Variants in POLE observed in about 807,000 individuals in gnomAD.
POLE encodes the protein DNA polymerase epsilon catalytic subunit A.
A neutral mutation model predicts 279.2 loss-of-function variants in POLE; 188 were observed. The observed-to-expected ratio is 0.67, with a 90% CI of 0.60 to 0.76. The LOEUF (loss-of-function observed/expected upper bound fraction) is 0.76. Among genes scored for constraint, POLE ranks in the 30% least tolerant of loss-of-function variants. POLE has a pLI of 0.00. For missense variants in POLE, 2,703 were observed against 3,016.7 expected (o/e 0.90, Z 2.44); for synonymous variants, 1,214 against 1,172.5 (o/e 1.04, Z -0.72).
At chr12:132,635,118 C>T (rs1447165608) in intron 42 of POLE, among the ~76,000 whole-genome samples, 3 of 152,134 alleles carry the variant, frequency 2.0e-5, no homozygotes, top group Admixed American at 1.3e-4. Flanking sequence ...GGCCTCCTCT[C>T]AACCCACCCA....
intron 45 of POLE, 106 bp downstream of exon 45, chr12:132,632,209 C>T: frequency 2.4e-6 from 2 of 837,502 alleles, no homozygotes; most frequent in East Asian, 5.2e-5. Flanking sequence ...CATACGCTAG[C>T]ACGTTCATGG....
At position 132,634,318 on chromosome 12, in the gene POLE, C is replaced by T. The variant is rs2041993181; in HGVS notation, c.5872G>A (p.Glu1958Lys). Residue 1958 changes from glutamate (E) to lysine (K), a missense_variant, in exon 43 of 49, where the codon GAA (glutamate) becomes AAA (lysine). Glu to Lys is a moderately conservative substitution (Grantham distance 56). Coordinates refer to ENST00000320574, the MANE Select transcript of POLE (RefSeq NM_006231.4). This position sits in a 1 kb window ranked among gnomAD's most constrained non-coding sequence, Gnocchi z 4.0. ...DEQENEDDEE[E>K]RDGEEEEEAE... ...TCTTCCTCCTCCTCCCCATCTCTTT[C>T]CTCCTCATCGTCCTCATTTTCCTGC... 3 of 1,614,196 alleles carry T rather than the reference C, an allele frequency of 1.9e-6. No individual in the cohort carries two copies. The highest frequency in any genetic ancestry group is 1.1e-5 in the South Asian group (1 of 91,080).
intron 1 of POLE, among the ~76,000 whole-genome samples, chr12:132,685,456 C>T (rs1334359362): frequency 6.6e-6 from 1 of 152,252 alleles, no homozygotes; most frequent in East Asian, 1.9e-4. Context: ...CAAGAAGAAA[C>T]GCAGGCAAAC....
rs148076304 is a variant in POLE at position 132,642,570 on chromosome 12, G to C, written c.4888C>G (p.Arg1630Gly). The C allele has an allele frequency of 6.2e-7, 1 of 1,613,502 alleles. No individual in the cohort carries two copies. Residue 1630 changes from arginine (R) to glycine (G), a missense_variant, in exon 37 of 49, where the codon CGG (arginine) becomes GGG (glycine). Physicochemically the swap from Arg to Gly is moderately radical, Grantham distance 125 (BLOSUM62 -2). Around this residue, in one of 5 missense-constraint regions of POLE, gnomAD observed 1,551 missense variants for 1,686.1 expected, o/e 0.92. Coordinates refer to ENST00000320574, the MANE Select transcript of POLE (RefSeq NM_006231.4). ...TTGAGGTAGTGACGGATCATGCGCC[G>C]GGCTCCATGGCGCTGCCAGTCCAGG... ...GVLDWQRHGA[R>G]RMIRHYLNLD...
rs2135978636 is a variant in POLE at position 132,668,767 on chromosome 12, G to A, written c.1924-30C>T. ...GAGGGGTGAGAAAGCACTTAGGGCTGGGCAGAGAGAGCTCCGACTCTGACA... is the reference window on the plus strand; with the variant it reads ...GAGGGGTGAGAAAGCACTTAGGGCTAGGCAGAGAGAGCTCCGACTCTGACA... On this transcript the variant is annotated intron_variant, in intron 17 of 48. Coordinates refer to ENST00000320574, the MANE Select transcript of POLE (RefSeq NM_006231.4). This position sits in a 1 kb window ranked among gnomAD's most constrained non-coding sequence, Gnocchi z 4.0. The A allele has an allele frequency of 1.2e-6, 2 of 1,613,836 alleles. No homozygotes were observed. Among genetic ancestry groups the A allele is most frequent in the South Asian group, 1.1e-5 (1 of 91,062 alleles).
intron 29 of POLE, among the ~76,000 whole-genome samples, chr12:132,654,628 A>AAAAAATTAC: frequency 6.9e-6 from 1 of 145,756 alleles, no homozygotes; most frequent in Non-Finnish European, 1.5e-5. Context: ...TTGTCTCTAC[A>AAAAAATTAC]AAAAATTACA....
intron 7 of POLE, 55 bp downstream of exon 7, chr12:132,677,523 T>C (rs190878867): frequency 6.2e-7 from 1 of 1,612,410 alleles, no homozygotes; most frequent in Admixed American, 1.7e-5. Flanking sequence ...ATAATGATCA[T>C]CTCCTGGCTG....
rs56367014 is a variant in POLE, at chr12:132,676,483, T to C, written c.909+63A>G. The C allele has an allele frequency of 1.1e-3, 1,104 of 1,015,788 alleles. 6 individuals carry two copies. In the African/African-American group the frequency reaches 0.015, roughly 14 times the overall value. The allele number at this position is 1,015,788 out of a possible 1,614,324, so 62.9% of individuals were successfully genotyped here. ...ACTAACAGTGGGGCAGATGCTGCTG[T>C]AGTATGGGGACCAGACAAGGTCCCC... On this transcript the variant is annotated intron_variant, in intron 9 of 48. Coordinates refer to ENST00000320574, the MANE Select transcript of POLE (RefSeq NM_006231.4).
rs747676884 is a variant in POLE, at chr12:132,624,918, G to C, written c.6734C>G (p.Thr2245Ser). The C allele has an allele frequency of 4.3e-6, 7 of 1,613,946 alleles. No homozygotes were observed. The highest frequency in any genetic ancestry group is 2.7e-5 in the African/African-American group (2 of 75,060). ...GGGAGAGCCCACCTGGGTGTGGATG[G>C]TGAGGGCGAAGTCTCCCGCGCAGCT... Reference protein sequence around the residue: ...YCSCAGDFALTIHTQVFMEQI... With the variant: ...YCSCAGDFALSIHTQVFMEQI... The change falls in exon 48 of 49, where the codon ACC becomes AGC. Residue 2245 changes from threonine (T) to serine (S), a missense_variant. Physicochemically the swap from Thr to Ser is moderately conservative, Grantham distance 58. Around this residue, in one of 5 missense-constraint regions of POLE, gnomAD observed 1,551 missense variants for 1,686.1 expected, o/e 0.92. Transcript: ENST00000320574.
intron 32 of POLE, 136 bp from the exon 33 acceptor site, chr12:132,644,113 C>T: frequency 1.4e-6 from 1 of 725,480 alleles, no homozygotes; most frequent in Non-Finnish European, 2.3e-6. Flanking sequence ...ACGCCACAGT[C>T]CACCTCTCTC....
chr12:132,663,507 G>C (rs1455500579), intron 23 of POLE, among the ~76,000 whole-genome samples: 1 of 152,264 alleles, frequency 6.6e-6, no homozygotes, highest in Non-Finnish European at 1.5e-5. Context: ...ACCACCAGAG[G>C]GGGAGGTCGT....
rs986414330 is a variant in POLE at position 132,634,120 on chromosome 12, G to A, written c.6004+66C>T. 2.3e-5 allele frequency: 32 copies of A among 1,379,174 alleles called. No homozygotes were observed. Among genetic ancestry groups the A allele is most frequent in the Non-Finnish European group, 2.7e-5 (27 of 996,170 alleles). 85.4% of individuals were successfully genotyped at this position (1,379,174 alleles called of 1,614,324 possible). On this transcript the variant is annotated intron_variant, in intron 43 of 48. Coordinates refer to ENST00000320574, the MANE Select transcript of POLE (RefSeq NM_006231.4). The surrounding 1 kb of genome is among the most constrained non-coding windows in gnomAD (Gnocchi z 4.0). ...TCCCTTCTTGCGATACCATGGCACAGGAGCCACATCTACTAACCATGAGTC... is the reference window on the plus strand; with the variant it reads ...TCCCTTCTTGCGATACCATGGCACAAGAGCCACATCTACTAACCATGAGTC...
chr12:132,676,362 G>T (rs762192916), intron 9 of POLE, 158 bp from the exon 10 acceptor site: 6 of 710,494 alleles, frequency 8.4e-6, no homozygotes, highest in Non-Finnish European at 1.5e-5. Flanking sequence ...GACGCTCTGT[G>T]TGTGGATTCC....
Position 132,649,246 on chromosome 12 carries a change from A to AC in POLE, c.4005+59dup, listed in dbSNP as rs2042359478. 3 of 1,564,330 alleles carry AC rather than the reference A, an allele frequency of 1.9e-6. No individual in the cohort carries two copies. The Admixed American group carries it at 5.1e-5, about 26-fold the overall frequency. On this transcript the variant is annotated intron_variant, in intron 31 of 48. Coordinates refer to ENST00000320574, the MANE Select transcript of POLE (RefSeq NM_006231.4). ...ATCCCAGACCTCAGGGCCCAGCTGGACACCCCCTCCCTGGGCCATCAGCAG... is the reference window on the plus strand; with the variant it reads ...ATCCCAGACCTCAGGGCCCAGCTGGACCACCCCCTCCCTGGGCCATCAGCAG...
intron 1 of POLE, among the ~76,000 whole-genome samples, chr12:132,682,169 C>T (rs2043180341): frequency 6.6e-6 from 1 of 152,024 alleles, no homozygotes; most frequent in Non-Finnish European, 1.5e-5. Context: ...TGGTGGGTGC[C>T]TATAGTCCCA....
Position 132,624,962 on chromosome 12 carries a change from G to A in POLE, c.6690C>T (p.Thr2230=), listed in dbSNP as rs2138423021. Reference sequence around the variant, plus strand: ...CGCAGCTGCAGTACACAGGCATGCTGGTCTCCTTCACCCCGCGGCACTTCA... The same window carrying A: ...CGCAGCTGCAGTACACAGGCATGCTAGTCTCCTTCACCCCGCGGCACTTCA... ...VCLKCRGVKE[T]SMPVYCSCAG... The change falls in exon 48 of 49, where the codon ACC becomes ACT. Residue 2230 remains threonine (T), a synonymous_variant. Coordinates refer to ENST00000320574, the MANE Select transcript of POLE (RefSeq NM_006231.4). The A allele has an allele frequency of 6.2e-7, 1 of 1,614,016 alleles. No homozygotes were observed. The highest frequency in any genetic ancestry group is 1.7e-5 in the Admixed American group (1 of 60,026).
Position 132,668,614 on chromosome 12 carries a change from A to G in POLE, c.2026+21T>C. The stretch of plus-strand genomic sequence containing the variant: ...CCCACCCGTTTCCCACCGAGTGCCC[A>G]CCCAGGCGGCCGACACTCACTGAAC... On this transcript the variant is annotated intron_variant, in intron 18 of 48. Transcript: ENST00000320574. This position sits in a 1 kb window ranked among gnomAD's most constrained non-coding sequence, Gnocchi z 4.0. The G allele has an allele frequency of 6.2e-7, 1 of 1,602,406 alleles. No individual in the cohort carries two copies. The highest frequency in any genetic ancestry group is 2.2e-5 in the East Asian group (1 of 44,514).
At chr12:132,680,115 T>A in intron 4 of POLE, 63 bp downstream of exon 4, 2 of 1,595,784 alleles carry the variant, frequency 1.3e-6, no homozygotes, top group Middle Eastern at 1.7e-4. Context: ...TATTTCCCAG[T>A]TGCAAAGCCC....
At chr12:132,674,720 G>C (rs2043003778) in intron 12 of POLE, among the ~76,000 whole-genome samples, 1 of 152,176 alleles carries the variant, frequency 6.6e-6, no homozygotes, top group Non-Finnish European at 1.5e-5. Flanking sequence ...TCCAAGCCAA[G>C]TGCTGAGCAT....
Sources: gnomAD v4.1 joint callset for allele counts (sites outside exome capture counted in the v4.1 genomes callset) on GRCh38, gnomAD v4.1.1 for gene constraint, gnomAD v4.1.1 regional missense constraint, Gnocchi (gnomAD v3.1) non-coding constraint, MANE v1.5 for transcripts, NCBI Gene and HGNC (gene_info 2026-07-23, HGNC 2026-07-21) for gene names.